NEK6: variants seen among roughly 807,000 people sequenced by gnomAD.
NEK6 encodes serine/threonine-protein kinase Nek6.
NEK6 carries 27 observed loss-of-function variants against 43.5 expected under a neutral mutation model. The ratio of observed to expected loss-of-function variants is 0.62; its 90% confidence interval spans 0.46 to 0.86. The LOEUF (loss-of-function observed/expected upper bound fraction) is 0.86. NEK6 is among the 40% of genes least tolerant of loss of function. NEK6 has a pLI of 0.00. For synonymous variants in NEK6, 167 were observed against 164.1 expected (o/e 1.02, Z -0.14); for missense variants, 318 against 414.4 (o/e 0.77, Z 2.02).
At chr9:124,327,242 TG>T in intron 6 of NEK6, 95 bp from the exon 7 acceptor site, 1 of 987,974 alleles carries the variant, frequency 1.0e-6, no homozygotes, top group Non-Finnish European at 1.6e-6. Context: ...GAGCAGGACC[TG>T]GGCTAGGCCT....
At chr9:124,345,286 T>C (rs1829860393) in intron 8 of NEK6, among the ~76,000 whole-genome samples, 1 of 152,272 alleles carries the variant, frequency 6.6e-6, no homozygotes, top group Admixed American at 6.5e-5. Context: ...GGGTAATCGT[T>C]GTAATCCGCG....
Position 124,352,577 on chromosome 9 carries a change from C to CTTAAAGAAATTTAAGCTT in NEK6, c.*1630_*1631insTTAAAGAAATTTAAGCTT, listed in dbSNP as rs1364906289. On this transcript the variant is annotated 3_prime_UTR_variant, in exon 10 of 10. Transcript: ENST00000320246. ...TAATCCCAGGATTTCTTTAAGCTCC[C>CTTAAAGAAATTTAAGCTT]CAAATAATTTTGAAACTCATCATCA... 1 of 135,640 alleles carries CTTAAAGAAATTTAAGCTT rather than the reference C, an allele frequency of 7.4e-6. No individual in the cohort carries two copies. Among genetic ancestry groups the CTTAAAGAAATTTAAGCTT allele is most frequent in the Non-Finnish European group, 1.6e-5 (1 of 62,292 alleles). 8.4% of individuals were successfully genotyped at this position (135,640 alleles called of 1,614,324 possible).
At chr9:124,297,129 G>C (rs571447465) in intron 1 of NEK6, among the ~76,000 whole-genome samples, 17 of 152,340 alleles carry the variant, frequency 1.1e-4, no homozygotes, top group African/African-American at 4.1e-4. Context: ...ACATAGAGCA[G>C]CAATCTTGGG....
At chr9:124,312,173 G>A (rs768983613) in intron 2 of NEK6, among the ~76,000 whole-genome samples, 5 of 152,236 alleles carry the variant, frequency 3.3e-5, no homozygotes, top group Non-Finnish European at 5.9e-5. Flanking sequence ...AGGATGAGAC[G>A]GGCAACGCCC....
chr9:124,278,848 T>A (rs986665646), intron 1 of NEK6, among the ~76,000 whole-genome samples: 1 of 152,134 alleles, frequency 6.6e-6, no homozygotes, highest in African/African-American at 2.4e-5. Flanking sequence ...TCCCGTCACC[T>A]AGAGCACCCG....
At chr9:124,304,743 T>C (rs1451627527) in intron 2 of NEK6, among the ~76,000 whole-genome samples, 1 of 152,234 alleles carries the variant, frequency 6.6e-6, no homozygotes, top group Non-Finnish European at 1.5e-5. Context: ...CTTGTTCATT[T>C]CAGGAAGCTT....
Position 124,290,265 on chromosome 9 carries a change from A to G in NEK6, c.-29-11671A>G, listed in dbSNP as rs551485756. On this transcript the variant is annotated intron_variant, in intron 1 of 9. Coordinates refer to ENST00000320246, the MANE Select transcript of NEK6 (RefSeq NM_014397.6). ...AATGAGGCTGGTAACGCCCACTAGC[A>G]GGGTTGTAGGGGACATGGATCTGTG... is the stretch of plus-strand genomic sequence containing the variant. Among the ~76,000 whole-genome samples, 43 of 152,338 alleles carry G rather than the reference A, an allele frequency of 2.8e-4. 1 individual carries two copies. The highest frequency in any genetic ancestry group is 4.4e-4 in the Non-Finnish European group (30 of 68,012).
At chr9:124,266,217 C>G (rs922390660) in intron 1 of NEK6, among the ~76,000 whole-genome samples, 2 of 152,120 alleles carry the variant, frequency 1.3e-5, no homozygotes, top group African/African-American at 2.4e-5. Flanking sequence ...CGGTAGATGG[C>G]CTTACCAGGC....
chr9:124,321,746 T>C (rs1417911628), intron 5 of NEK6, among the ~76,000 whole-genome samples, 177 bp downstream of exon 5: 1 of 152,214 alleles, frequency 6.6e-6, no homozygotes, highest in African/African-American at 2.4e-5. Flanking sequence ...GGTGAGGGCC[T>C]CTCAGGGTCC....
chr9:124,281,727 G>GACCTCAGGTGATCTGCCT (rs1355430327), intron 1 of NEK6, among the ~76,000 whole-genome samples: 4 of 152,040 alleles, frequency 2.6e-5, no homozygotes, highest in Admixed American at 1.3e-4. Context: ...TCGAACTCCC[G>GACCTCAGGTGATCTGCCT]ACCTCAGGTG....
chr9:124,344,122 G>A (rs1001944), intron 8 of NEK6, among the ~76,000 whole-genome samples: 9,535 of 152,214 alleles, frequency 0.063, 784 homozygotes, highest in East Asian at 0.39. Flanking sequence ...TCTGGTGTGC[G>A]TCAGCCTGGC....
At chr9:124,319,536 C>T (rs555013077) in intron 4 of NEK6, among the ~76,000 whole-genome samples, 17 of 152,296 alleles carry the variant, frequency 1.1e-4, no homozygotes, top group Admixed American at 2.6e-4. Flanking sequence ...TCAAGGCTAA[C>T]GCTGAGAAAG....
chr9:124,306,665 G>A (rs112977248), intron 2 of NEK6, among the ~76,000 whole-genome samples: 2,636 of 152,308 alleles, frequency 0.017, 65 homozygotes, highest in African/African-American at 0.061. Context: ...CCACAGTGCC[G>A]CTTTGGGCAG....
intron 1 of NEK6, among the ~76,000 whole-genome samples, chr9:124,278,908 G>A (rs1831768552): frequency 6.6e-6 from 1 of 152,144 alleles, no homozygotes. Context: ...ACCAGGGTGG[G>A]GGGACCAAGC....
chr9:124,282,814 A>G (rs1831980486), intron 1 of NEK6, among the ~76,000 whole-genome samples: 1 of 152,266 alleles, frequency 6.6e-6, no homozygotes, highest in Admixed American at 6.5e-5. Context: ...TGGTGGCACC[A>G]GCCAGGACCA....
intron 2 of NEK6, among the ~76,000 whole-genome samples, chr9:124,307,647 C>T (rs1459048280): frequency 6.6e-6 from 1 of 152,220 alleles, no homozygotes; most frequent in Non-Finnish European, 1.5e-5. Flanking sequence ...GCCTCCGTGC[C>T]CTGGCAGAGG....
At chr9:124,294,134 G>A (rs541807914) in intron 1 of NEK6, among the ~76,000 whole-genome samples, 1 of 152,324 alleles carries the variant, frequency 6.6e-6, no homozygotes, top group South Asian at 2.1e-4. Flanking sequence ...GAGAGGCCAG[G>A]GTGGGAGGAT....
intron 1 of NEK6, 50 bp from the exon 2 acceptor site, chr9:124,301,886 T>C: frequency 1.4e-6 from 2 of 1,441,082 alleles, no homozygotes; most frequent in South Asian, 1.2e-5. Flanking sequence ...TCCCTCCTCC[T>C]TCTGAGGGTC....
intron 2 of NEK6, among the ~76,000 whole-genome samples, chr9:124,307,935 G>A (rs1365429253): frequency 6.6e-6 from 1 of 152,166 alleles, no homozygotes; most frequent in African/African-American, 2.4e-5. Context: ...TGCTCAGGCC[G>A]TCCCAGTCCC....
Sources: allele counts gnomAD v4.1 joint callset (sites outside exome capture counted in the v4.1 genomes callset), GRCh38; gene constraint gnomAD v4.1.1; transcripts MANE v1.5; gene names NCBI Gene and HGNC (gene_info 2026-07-23, HGNC 2026-07-21).